Variants in MYH4 observed in about 807,000 individuals in gnomAD.
MYH4 encodes the protein myosin-4.
A neutral mutation model predicts 229.9 loss-of-function variants in MYH4; 200 were observed. The ratio of observed to expected loss-of-function variants is 0.87; its 90% CI spans 0.78 to 0.98. The LOEUF (loss-of-function observed/expected upper bound fraction) is 0.98, where lower values mean the gene tolerates loss of function less well. Ranked by LOEUF, MYH4 falls within the 50% of genes least tolerant of loss-of-function variation. The pLI, the probability that MYH4 is intolerant of heterozygous loss-of-function variation, is 0.00. For missense variants in MYH4, 2,148 were observed against 2,332.6 expected (o/e 0.92, Z 1.63); for synonymous variants, 761 against 834.6 (o/e 0.91, Z 1.52).
intron 21 of MYH4, 58 bp downstream of exon 21, chr17:10,454,883 C>T: frequency 6.2e-7 from 1 of 1,610,792 alleles, no homozygotes. Flanking sequence ...AAAGTAATGA[C>T]TGCAGTGGAT....
chr17:10,452,913 T>C lies in MYH4; in HGVS notation c.3131A>G (p.Gln1044Arg). The change falls in exon 25 of 40, where the codon CAA becomes CGA. Residue 1044 changes from glutamine to arginine, a missense_variant. Transcript: ENST00000255381. ...QVDDLEGSLE[Q>R]EKKLCMDLER... ...TAAGTCCATGCAAAGTTTCTTTTCT[T>C]GTTCCAGAGATCCTTCAAGCTAAAT... 1 of 1,604,020 alleles carries C rather than the reference T, an allele frequency of 6.2e-7. No individual in the cohort carries two copies. Among genetic ancestry groups the C allele is most frequent in the Non-Finnish European group, 8.5e-7 (1 of 1,178,082 alleles).
intron 24 of MYH4, 65 bp downstream of exon 24, chr17:10,453,086 GT>G (rs1400114586): frequency 1.4e-4 from 231 of 1,605,618 alleles, no homozygotes; most frequent in Non-Finnish European, 2.0e-4. Flanking sequence ...ATGACTATCA[GT>G]GCTGGTTTCA....
rs141249550 is a variant in MYH4, at chr17:10,455,006, C to T, written c.2370G>A (p.Thr790=). Residue 790 remains threonine (T), a synonymous_variant, in exon 21 of 40, where the codon ACG becomes ACA. Transcript: ENST00000255381. ...ACCCTCTGCATATGGCTTGAGTGCG[C>T]GTGATGAGTTGAGCTAGCTTTTCAT... ...MRDEKLAQLI[T]RTQAICRGFL... 37 of 1,614,030 alleles carry T rather than the reference C, an allele frequency of 2.3e-5. No individual in the cohort carries two copies. In the East Asian group the frequency reaches 2.5e-4, roughly 11 times the overall value.
intron 7 of MYH4, among the ~76,000 whole-genome samples, chr17:10,464,134 C>A (rs1381493913): frequency 6.6e-6 from 1 of 151,750 alleles, no homozygotes; most frequent in East Asian, 1.9e-4. Context: ...TAGATAGTAC[C>A]CAATAGGTAG....
Position 10,450,528 on chromosome 17 carries a change from T to C in MYH4, c.4106A>G (p.Asn1369Ser), listed in dbSNP as rs1175598762. Reference sequence around the variant, plus strand: ...GGTCCTCCACTGGGCAACCTCACTGTTGGCCTTGGACATTCCCCTCTGCAG... The same window carrying C: ...GGTCCTCCACTGGGCAACCTCACTGCTGGCCTTGGACATTCCCCTCTGCAG... ...AELQRGMSKA[N>S]SEVAQWRTKY... The change falls in exon 30 of 40, where the codon AAC becomes AGC. Residue 1369 changes from asparagine to serine, a missense_variant. Physicochemically the swap from Asn to Ser is conservative, Grantham distance 46. Transcript: ENST00000255381. The C allele has an allele frequency of 3.7e-6, 6 of 1,614,068 alleles. No individual in the cohort carries two copies. Among genetic ancestry groups the C allele is most frequent in the Non-Finnish European group, 5.1e-6 (6 of 1,180,012 alleles).
chr17:10,443,512 C>T lies in MYH4; in HGVS notation c.5683G>A (p.Val1895Ile). The T allele has an allele frequency of 1.2e-6, 2 of 1,613,876 alleles. No individual in the cohort carries two copies. The highest frequency in any genetic ancestry group is 1.7e-6 in the Non-Finnish European group (2 of 1,179,912). ...QAEEAEEQSN[V>I]NLAKFRKLQH... ...AGCTTGCGGAACTTGGCAAGGTTGA[C>T]ATTGGATTGTTCCTCCTGAGAACAG... The change falls in exon 40 of 40, where the codon GTC (valine) becomes ATC (isoleucine). Residue 1895 changes from valine to isoleucine, a missense_variant. Coordinates refer to ENST00000255381, the MANE Select transcript of MYH4 (RefSeq NM_017533.2). The surrounding 1 kb of genome is among the most constrained non-coding windows in gnomAD (Gnocchi z 4.6).
rs2072618497 is a variant in MYH4, at chr17:10,454,727, A to T, written c.2519T>A (p.Ile840Asn). ...CTCTGCACTCTTGAGGAGGGGCTTG[A>T]TCTTGAAATACAGCTTCATCCAGGG... is the stretch of plus-strand genomic sequence containing the variant. ...HWPWMKLYFKIKPLLKSAETE... is the reference protein window; with the variant it reads ...HWPWMKLYFKNKPLLKSAETE... Residue 840 changes from isoleucine to asparagine, a missense_variant, in exon 22 of 40, where the codon ATC (isoleucine) becomes AAC (asparagine). Ile to Asn is a moderately radical substitution (Grantham distance 149, BLOSUM62 -3). Coordinates refer to ENST00000255381, the MANE Select transcript of MYH4 (RefSeq NM_017533.2). 1 of 1,614,028 alleles carries T rather than the reference A, an allele frequency of 6.2e-7. No individual in the cohort carries two copies. Among genetic ancestry groups the T allele is most frequent in the Admixed American group, 1.7e-5 (1 of 60,004 alleles).
Position 10,453,242 on chromosome 17 carries a change from G to A in MYH4, c.3021C>T (p.His1007=), listed in dbSNP as rs1261283879. 2 of 1,614,048 alleles carry A rather than the reference G, an allele frequency of 1.2e-6. No individual in the cohort carries two copies. The highest frequency in any genetic ancestry group is 1.7e-6 in the Non-Finnish European group (2 of 1,180,010). The change falls in exon 24 of 40, where the codon CAC becomes CAT. Residue 1007 remains histidine, a synonymous_variant. Coordinates refer to ENST00000255381, the MANE Select transcript of MYH4 (RefSeq NM_017533.2). ...TKEKKALQEA[H]QQTLDDLQME... ...TCTGCAGGTCATCCAGGGTCTGCTG[G>A]TGGGCCTCCTGGAGAGCCTTCTTCT...
chr17:10,464,810 T>TAAA, intron 5 of MYH4, 102 bp from the exon 6 acceptor site: 1 of 1,141,074 alleles, frequency 8.8e-7, no homozygotes, highest in Non-Finnish European at 1.3e-6. Flanking sequence ...ACTCCCCATT[T>TAAA]GCAAAAATAA....
At chr17:10,446,526 T>C (rs564249047) in intron 35 of MYH4, among the ~76,000 whole-genome samples, 13 of 152,300 alleles carry the variant, frequency 8.5e-5, no homozygotes, top group African/African-American at 3.1e-4. Context: ...CCACCATTTA[T>C]TTAACAAATT....
chr17:10,462,752 G>T, intron 11 of MYH4, 113 bp downstream of exon 11: 2 of 802,432 alleles, frequency 2.5e-6, no homozygotes. Context: ...AAAGCCCAAA[G>T]GGTTGTATTA....
chr17:10,448,230 T>TA (rs1301503579), intron 33 of MYH4, 104 bp from the exon 34 acceptor site: 12 of 1,313,974 alleles, frequency 9.1e-6, no homozygotes, highest in Non-Finnish European at 1.0e-6. Context: ...TAAACTATCA[T>TA]ACGTCTTAAT....
In MYH4 at chr17:10,453,069, A is replaced by G. The variant is rs191113012; in HGVS notation, c.3111+83T>C. 2.9e-3 allele frequency: 4,581 copies of G among 1,601,188 alleles called. 24 individuals carry two copies. The highest frequency in any genetic ancestry group is 3.2e-3 in the Non-Finnish European group (3,702 of 1,169,558). On this transcript the variant is annotated intron_variant, in intron 24 of 39. Transcript: ENST00000255381. ...AACTTTATTCACAGACCAAGCGTTA[A>G]AGGCTTATGACTATCAGTGCTGGTT...
intron 16 of MYH4, 83 bp from the exon 17 acceptor site, chr17:10,456,638 C>T: frequency 9.2e-7 from 1 of 1,083,074 alleles, no homozygotes; most frequent in Non-Finnish European, 1.4e-6. Context: ...GCCAAAATTC[C>T]CTTTAGAATT....
chr17:10,447,862 C>T lies in MYH4; in HGVS notation c.4921G>A (p.Ala1641Thr), dbSNP rs200529120. The change falls in exon 34 of 40, where the codon GCT becomes ACT. Residue 1641 changes from alanine (A) to threonine (T), a missense_variant. By Grantham distance (58) the Ala-to-Thr change is moderately conservative. Transcript: ENST00000255381. Reference protein sequence around the residue: ...IQLNHANRQAAEALRNLRNTQ... With the variant: ...IQLNHANRQATEALRNLRNTQ... ...TTTCTAAGATTCCTTAGTGCCTCAG[C>T]AGCCTGGCGGTTGGCATGGTTCAGC... 212 of 1,613,716 alleles carry T rather than the reference C, an allele frequency of 1.3e-4. 1 individual carries two copies. In the Middle Eastern group the frequency reaches 2.8e-3, roughly 21 times the overall value.
At chr17:10,443,270 A>G (rs1202466941), downstream of MYH4, 7 of 1,239,002 alleles carry the variant, frequency 5.6e-6, no homozygotes, top group East Asian at 2.4e-5. This position sits in a 1 kb window ranked among gnomAD's most constrained non-coding sequence, Gnocchi z 4.6. Flanking sequence ...GTATTTTTAG[A>G]TGCAAAATTA....
Position 10,452,449 on chromosome 17 carries a change from T to C in MYH4, c.3315A>G (p.Ala1105=). Residue 1105 remains alanine (A), a synonymous_variant, in exon 26 of 40, where the codon GCA becomes GCG. Transcript: ENST00000255381. Reference sequence around the variant, plus strand: ...CTTTGATCTTCTTTTGTAGCTGTATTGCAAGGGCTTGTTCATCTTCAATCT... The same window carrying C: ...CTTTGATCTTCTTTTGTAGCTGTATCGCAAGGGCTTGTTCATCTTCAATCT... ...QGKIEDEQAL[A]IQLQKKIKEL... is the part of the protein sequence containing the mutation. 1.2e-6 allele frequency: 2 copies of C among 1,614,160 alleles called. No homozygotes were observed. Among genetic ancestry groups the C allele is most frequent in the Non-Finnish European group, 1.7e-6 (2 of 1,180,012 alleles).
intron 35 of MYH4, 115 bp from the exon 36 acceptor site, chr17:10,445,477 A>C (rs2072502058): frequency 7.4e-7 from 1 of 1,358,540 alleles, no homozygotes; most frequent in Middle Eastern, 1.9e-4. Flanking sequence ...GTTTAGAATA[A>C]AAACCAAATT....
intron 4 of MYH4, among the ~76,000 whole-genome samples, chr17:10,466,030 T>C (rs893224848): frequency 6.6e-6 from 1 of 152,086 alleles, no homozygotes; most frequent in African/African-American, 2.4e-5. Flanking sequence ...CGCCTCGGCC[T>C]CCCAAAGTGC....
Sources: gnomAD v4.1 joint callset for allele counts (sites outside exome capture counted in the v4.1 genomes callset) on GRCh38, gnomAD v4.1.1 for gene constraint, Gnocchi (gnomAD v3.1) non-coding constraint, MANE v1.5 for transcripts, NCBI Gene and HGNC (gene_info 2026-07-23, HGNC 2026-07-21) for gene names.